TNKS1BP1: variants seen among roughly 807,000 people sequenced by gnomAD.
TNKS1BP1 encodes CCR4-NOT transcription complex subunit 12.
A neutral mutation model predicts 141.1 loss-of-function variants in TNKS1BP1; 48 were observed. That is an observed-to-expected ratio of 0.34 (90% CI 0.27 to 0.43). The LOEUF (loss-of-function observed/expected upper bound fraction) is 0.43, where lower values mean the gene tolerates loss of function less well. TNKS1BP1 is among the 20% of genes least tolerant of loss of function. TNKS1BP1 has a pLI of 1.00. For missense variants in TNKS1BP1, 2,149 were observed against 2,226.0 expected, an observed-to-expected ratio of 0.97 and a Z score of 0.70; for synonymous variants, 875 against 898.2, an observed-to-expected ratio of 0.97 and a Z score of 0.46.
chr11:57,305,572 G>A (rs1376550088), intron 6 of TNKS1BP1, among the ~76,000 whole-genome samples: 1 of 152,170 alleles, frequency 6.6e-6, no homozygotes, highest in Non-Finnish European at 1.5e-5. Context: ...AGGGAGGGGT[G>A]AAGCTGGAAA....
chr11:57,311,158 A>T, intron 5 of TNKS1BP1: 1 of 880,578 alleles, frequency 1.1e-6, no homozygotes, highest in Non-Finnish European at 1.4e-6. Flanking sequence ...GAAAGACAAG[A>T]GGGGCAGCCT....
Position 57,308,768 on chromosome 11 carries a change from G to A in TNKS1BP1, c.3943C>T (p.Leu1315=), listed in dbSNP as rs780561452. ...GVGQMDWGNN[L]GLRDLEVTCD... is the part of the protein sequence containing the mutation. ...GTCACCTCCAAATCCCTCAGGCCCA[G>A]ATTGTTACCCCAGTCCATCTGGCCC... is the stretch of plus-strand genomic sequence containing the variant. Residue 1315 remains leucine (L), a synonymous_variant, in exon 6 of 12, where the codon CTG becomes TTG. Coordinates refer to ENST00000358252, the MANE Select transcript of TNKS1BP1 (RefSeq NM_033396.3). The A allele has an allele frequency of 6.2e-7, 1 of 1,614,000 alleles. No homozygotes were observed. The highest frequency in any genetic ancestry group is 1.7e-5 in the Admixed American group (1 of 60,024).
At chr11:57,306,977 G>A (rs1342105234) in intron 6 of TNKS1BP1, among the ~76,000 whole-genome samples, 2 of 151,548 alleles carry the variant, frequency 1.3e-5, no homozygotes, top group Non-Finnish European at 2.9e-5. Flanking sequence ...ACATATACAA[G>A]TGAGAAAGAG....
chr11:57,312,527 T>C lies in TNKS1BP1; in HGVS notation c.2154+7A>G, dbSNP rs1234093273. On this transcript the variant is annotated splice_region_variant and intron_variant, in intron 5 of 11. Coordinates refer to ENST00000358252, the MANE Select transcript of TNKS1BP1 (RefSeq NM_033396.3). ...AGAAGTCCCATTCTCCCTATGCCCA[T>C]TCTCACCTCAGAGCAGGTACTTGGG... The C allele has an allele frequency of 6.8e-7, 1 of 1,465,426 alleles. No individual in the cohort carries two copies. The highest frequency in any genetic ancestry group is 1.4e-5 in the African/African-American group (1 of 70,428). 90.8% of individuals were successfully genotyped at this position (1,465,426 alleles called of 1,614,324 possible).
Position 57,312,986 on chromosome 11 carries a change from G to C in TNKS1BP1, c.1702C>G (p.Pro568Ala). Reference sequence around the variant, plus strand: ...TCAGTTGTAGGCAGGGGCTCAAGGGGAACAGCTGGGAATTGAGGTTGACTC... The same window carrying C: ...TCAGTTGTAGGCAGGGGCTCAAGGGCAACAGCTGGGAATTGAGGTTGACTC... ...GESQPQFPAV[P>A]LEPLPTTEGT... The change falls in exon 5 of 12, where the codon CCC (proline) becomes GCC (alanine). Residue 568 changes from proline to alanine, a missense_variant. Pro to Ala is a conservative substitution (Grantham distance 27). Transcript: ENST00000358252. The C allele has an allele frequency of 6.2e-7, 1 of 1,613,938 alleles. No individual in the cohort carries two copies. The highest frequency in any genetic ancestry group is 8.5e-7 in the Non-Finnish European group (1 of 1,180,016).
rs780222096 is a variant in TNKS1BP1, at chr11:57,320,263, G to A, written c.544C>T (p.Leu182=). 1 of 1,614,200 alleles carries A rather than the reference G, an allele frequency of 6.2e-7. No homozygotes were observed. The highest frequency in any genetic ancestry group is 8.5e-7 in the Non-Finnish European group (1 of 1,180,040). Residue 182 remains leucine (L), a synonymous_variant, in exon 3 of 12, where the codon CTG becomes TTG. Coordinates refer to ENST00000358252, the MANE Select transcript of TNKS1BP1 (RefSeq NM_033396.3). Reference sequence around the variant, plus strand: ...TTAAAGGTGAGGCGGGAACCCCACAGGCGGTCGGGGCTGGCAAGGACCTCC... The same window carrying A: ...TTAAAGGTGAGGCGGGAACCCCACAAGCGGTCGGGGCTGGCAAGGACCTCC... ...RKEVLASPDR[L]WGSRLTFNHD...
rs567290282 is a variant in TNKS1BP1 at position 57,312,225 on chromosome 11, C to A, written c.2154+309G>T. Among the ~76,000 whole-genome samples, 5 of 152,284 alleles carry A rather than the reference C, an allele frequency of 3.3e-5. No individual in the cohort carries two copies. In the East Asian group the frequency reaches 5.8e-4, roughly 18 times the overall value. On this transcript the variant is annotated intron_variant, in intron 5 of 11. Transcript: ENST00000358252. The stretch of plus-strand genomic sequence containing the variant: ...GCCGAGAGCTTTCCACCTCGATTTA[C>A]CCACAATATAACTCTAAGAGGCCAA...
Position 57,313,118 on chromosome 11 carries a change from C to T in TNKS1BP1, c.1570G>A (p.Val524Met), listed in dbSNP as rs1189385055. The T allele has an allele frequency of 6.2e-7, 1 of 1,613,336 alleles. No homozygotes were observed. Among genetic ancestry groups the T allele is most frequent in the Admixed American group, 1.7e-5 (1 of 60,032 alleles). ...CCAGCCCCTTGCCCCTGCTGAGACA[C>T]TCCTTCTTCCCTGCTGGAAACGGCC... ...NLAVSSREEGVSQQGQGAGSA... is the reference protein window; with the variant it reads ...NLAVSSREEGMSQQGQGAGSA... The change falls in exon 5 of 12, where the codon GTG (valine) becomes ATG (methionine). Residue 524 changes from valine to methionine, a missense_variant. Coordinates refer to ENST00000358252, the MANE Select transcript of TNKS1BP1 (RefSeq NM_033396.3).
At chr11:57,321,973 A>T in intron 1 of TNKS1BP1, 23 bp from the exon 2 acceptor site, 1 of 1,538,712 alleles carries the variant, frequency 6.5e-7, no homozygotes, top group South Asian at 1.2e-5. Context: ...AGAGAAGAGA[A>T]GGAAAAAAAG....
At chr11:57,318,825 C>T (rs767526833) in intron 3 of TNKS1BP1, among the ~76,000 whole-genome samples, 3 of 152,236 alleles carry the variant, frequency 2.0e-5, no homozygotes, top group Non-Finnish European at 2.9e-5. Flanking sequence ...AATCTCTGTG[C>T]AGACACTAGC....
rs967099696 is a variant in TNKS1BP1, at chr11:57,301,183, A to G, written c.4972-142T>C. 3.3e-6 allele frequency: 3 copies of G among 903,002 alleles called. No individual in the cohort carries two copies. The East Asian group carries it at 8.1e-5, about 24-fold the overall frequency. The allele number at this position is 903,002 out of a possible 1,614,324, so 55.9% of individuals were successfully genotyped here. A position where few individuals can be genotyped will look rare whatever the true frequency, so the allele number is the denominator to read the frequency against. ...CAGTCCTTTCACCCCAAAGGATGGG[A>G]AGTCACTTAGAGATGCACTTCCCGC... On this transcript the variant is annotated intron_variant, in intron 9 of 11. Transcript: ENST00000358252.
chr11:57,321,782 C>G lies in TNKS1BP1; in HGVS notation c.94+10G>C. On this transcript the variant is annotated intron_variant, in intron 2 of 11. Transcript: ENST00000358252. Reference sequence around the variant, plus strand: ...CCAGCCACCTGGCTCCACCCTGCACCCATTGGTACCTGGCTCAGAGCCAGT... The same window carrying G: ...CCAGCCACCTGGCTCCACCCTGCACGCATTGGTACCTGGCTCAGAGCCAGT... 1 of 1,613,418 alleles carries G rather than the reference C, an allele frequency of 6.2e-7. No individual in the cohort carries two copies. Among genetic ancestry groups the G allele is most frequent in the Non-Finnish European group, 8.5e-7 (1 of 1,179,618 alleles).
Position 57,308,535 on chromosome 11 carries a change from G to A in TNKS1BP1, c.4176C>T (p.Asp1392=), listed in dbSNP as rs1253912654. The A allele has an allele frequency of 3.1e-6, 5 of 1,614,002 alleles. No homozygotes were observed. The South Asian group carries it at 3.3e-5, about 11-fold the overall frequency. Residue 1392 remains aspartate, a synonymous_variant, in exon 6 of 12, where the codon GAC becomes GAT. Transcript: ENST00000358252. ...CCCCCAGCTCCCTGGCCTCCAAGGGGTCTCTGGCCTCCAGGCCAGGAGACA... is the reference window on the plus strand; with the variant it reads ...CCCCCAGCTCCCTGGCCTCCAAGGGATCTCTGGCCTCCAGGCCAGGAGACA... ...GSLSPGLEAR[D]PLEARELGVG... is the part of the protein sequence containing the mutation.
Position 57,300,899 on chromosome 11 carries a change from G to A in TNKS1BP1, c.5114C>T (p.Pro1705Leu). The A allele has an allele frequency of 1.2e-6, 2 of 1,613,962 alleles. No individual in the cohort carries two copies. The highest frequency in any genetic ancestry group is 1.7e-6 in the Non-Finnish European group (2 of 1,179,926). The stretch of plus-strand genomic sequence containing the variant: ...GGTCACCTACCCTGAGGATTTCTCT[G>A]GCTTGGGAGGTAACGTGAGGGGCTT... Reference protein sequence around the residue: ...LGKPLTLPPKPEKSSGSEGSS... With the variant: ...LGKPLTLPPKLEKSSGSEGSS... Residue 1705 changes from proline to leucine, a missense_variant, in exon 10 of 12, where the codon CCA (proline) becomes CTA (leucine). By Grantham distance (98) the Pro-to-Leu change is moderately conservative. Transcript: ENST00000358252.
chr11:57,301,356 G>A (rs562267251), intron 9 of TNKS1BP1, among the ~76,000 whole-genome samples: 3 of 152,014 alleles, frequency 2.0e-5, no homozygotes, highest in Non-Finnish European at 4.4e-5. Flanking sequence ...CCAGCTCCAG[G>A]AGCCAACTCC....
intron 2 of TNKS1BP1, 131 bp downstream of exon 2, chr11:57,321,661 C>G (rs1009150477): frequency 7.8e-6 from 8 of 1,022,826 alleles, no homozygotes; most frequent in Non-Finnish European, 9.9e-6. Context: ...TCATCCTGTA[C>G]TGCCTTGGTA....
At position 57,302,646 on chromosome 11, in the gene TNKS1BP1, G is replaced by T. The variant is rs1377199063; in HGVS notation, c.4496C>A (p.Pro1499His). The change falls in exon 7 of 12, where the codon CCT (proline) becomes CAT (histidine). Residue 1499 changes from proline to histidine, a missense_variant. Transcript: ENST00000358252. This position sits in a 1 kb window ranked among gnomAD's most constrained non-coding sequence, Gnocchi z 5.5. ...CCAGGAGGGTGGAGAGTCCCTGCCA[G>T]GCTCCAGCACCTCCTCTTGGGCAGC... Reference protein sequence around the residue: ...AGAAQEEVLEPGRDSPPSWRP... With the variant: ...AGAAQEEVLEHGRDSPPSWRP... 3 of 1,610,772 alleles carry T rather than the reference G, an allele frequency of 1.9e-6. No individual in the cohort carries two copies. The South Asian group carries it at 3.3e-5, about 18-fold the overall frequency.
chr11:57,307,969 T>C (rs1855638804), intron 6 of TNKS1BP1, among the ~76,000 whole-genome samples: 1 of 152,212 alleles, frequency 6.6e-6, no homozygotes. Flanking sequence ...CACTCCTGGC[T>C]GTGGTGGCCC....
In TNKS1BP1 at chr11:57,313,454, C is replaced by T; in HGVS notation, c.1234G>A (p.Ala412Thr). Residue 412 changes from alanine to threonine, a missense_variant, in exon 5 of 12, where the codon GCC becomes ACC. Coordinates refer to ENST00000358252, the MANE Select transcript of TNKS1BP1 (RefSeq NM_033396.3). ...RTFPSGGEEE[A>T]KGDAHLRPTS... ...GGGCGGAGGTGTGCGTCACCCTTGGCCTCCTCCTCCCCGCCAGATGGAAAC... is the reference window on the plus strand; with the variant it reads ...GGGCGGAGGTGTGCGTCACCCTTGGTCTCCTCCTCCCCGCCAGATGGAAAC... 2 of 1,597,122 alleles carry T rather than the reference C, an allele frequency of 1.3e-6. No homozygotes were observed. The highest frequency in any genetic ancestry group is 1.7e-6 in the Non-Finnish European group (2 of 1,171,048).
Sources: allele counts gnomAD v4.1 joint callset (sites outside exome capture counted in the v4.1 genomes callset), GRCh38; gene constraint gnomAD v4.1.1; non-coding constraint Gnocchi (gnomAD v3.1); transcripts MANE v1.5; gene names NCBI Gene and HGNC (gene_info 2026-07-23, HGNC 2026-07-21).